COL25A1: variants seen among roughly 807,000 people sequenced by gnomAD.
The protein encoded by COL25A1 is collagen alpha-1(XXV) chain.
In COL25A1, 103 loss-of-function variants were observed where a neutral mutation model predicts 128.4. The ratio of observed to expected loss-of-function variants is 0.80; its 90% CI spans 0.68 to 0.94. The LOEUF is 0.94. Ranked by LOEUF, COL25A1 falls within the 40% of genes least tolerant of loss-of-function variation. COL25A1 has a pLI of 0.00. For missense variants in COL25A1, 745 were observed against 840.0 expected, an observed-to-expected ratio of 0.89 and a Z score of 1.40; for synonymous variants, 279 against 277.2, an observed-to-expected ratio of 1.01 and a Z score of -0.06.
chr4:109,186,604 A>T (rs1004587260), intron 3 of COL25A1, among the ~76,000 whole-genome samples: 1 of 152,206 alleles, frequency 6.6e-6, no homozygotes, highest in African/African-American at 2.4e-5. Context: ...CACTGAAGAC[A>T]TTGGAAGCCC....
At chr4:109,049,893 T>G (rs1035114371) in intron 4 of COL25A1, among the ~76,000 whole-genome samples, 7 of 152,200 alleles carry the variant, frequency 4.6e-5, no homozygotes, top group Admixed American at 1.3e-4. Context: ...CCCAAATGGG[T>G]ACCAATTGTT....
At chr4:108,940,395 C>G in intron 10 of COL25A1, 144 bp downstream of exon 10, 1 of 736,198 alleles carries the variant, frequency 1.4e-6, no homozygotes. Flanking sequence ...TCAACCTACT[C>G]CACTCATCAT....
intron 3 of COL25A1, among the ~76,000 whole-genome samples, chr4:109,274,523 A>T (rs1370588339): frequency 6.6e-6 from 1 of 152,176 alleles, no homozygotes; most frequent in South Asian, 2.1e-4. Flanking sequence ...TTATATTAAC[A>T]TTGTTGAATA....
At chr4:108,922,964 G>A (rs1745641239) in intron 11 of COL25A1, among the ~76,000 whole-genome samples, 1 of 152,140 alleles carries the variant, frequency 6.6e-6, no homozygotes, top group Non-Finnish European at 1.5e-5. Flanking sequence ...ATTACTCGGG[G>A]AGGGATACCT....
At chr4:109,085,331 G>C (rs1342907223) in intron 3 of COL25A1, among the ~76,000 whole-genome samples, 1 of 152,160 alleles carries the variant, frequency 6.6e-6, no homozygotes, top group African/African-American at 2.4e-5. Flanking sequence ...CCCTTCAGAT[G>C]AAGTACAGCA....
chr4:109,005,132 G>C (rs367820892), intron 6 of COL25A1, among the ~76,000 whole-genome samples: 28 of 152,222 alleles, frequency 1.8e-4, no homozygotes, highest in African/African-American at 6.0e-4. Context: ...TCTGCTTCTG[G>C]GGGAGGCCTC....
At chr4:109,203,803 C>A (rs975256003) in intron 3 of COL25A1, among the ~76,000 whole-genome samples, 3 of 151,988 alleles carry the variant, frequency 2.0e-5, no homozygotes, top group Non-Finnish European at 4.4e-5. Flanking sequence ...TGACAAATTT[C>A]CACTTAATTG....
At chr4:108,860,572 C>T (rs1339151901) in intron 23 of COL25A1, among the ~76,000 whole-genome samples, 2 of 151,814 alleles carry the variant, frequency 1.3e-5, no homozygotes, top group Non-Finnish European at 2.9e-5. Flanking sequence ...GTCATAATTC[C>T]CTTTTTTTTT....
At chr4:109,101,104 A>C (rs1324282184) in intron 3 of COL25A1, among the ~76,000 whole-genome samples, 1 of 152,088 alleles carries the variant, frequency 6.6e-6, no homozygotes, top group African/African-American at 2.4e-5. Context: ...ACAACTCAAA[A>C]CTTCCCCTTT....
intron 3 of COL25A1, among the ~76,000 whole-genome samples, chr4:109,266,357 C>T (rs561571536): frequency 6.6e-5 from 10 of 152,110 alleles, no homozygotes; most frequent in Non-Finnish European, 1.2e-4. Context: ...TCTCTGGAAA[C>T]GATGAGGTGA....
intron 8 of COL25A1, among the ~76,000 whole-genome samples, chr4:108,948,889 A>G (rs369882799): frequency 3.9e-5 from 6 of 152,218 alleles, no homozygotes; most frequent in African/African-American, 1.4e-4. Context: ...TGGCAAATGC[A>G]AAGTATAAGA....
At chr4:108,890,071 G>A (rs751962329) in intron 16 of COL25A1, among the ~76,000 whole-genome samples, 7 of 152,114 alleles carry the variant, frequency 4.6e-5, no homozygotes, top group Non-Finnish European at 7.4e-5. Flanking sequence ...AAAATACATC[G>A]TGAAGCAATA....
intron 32 of COL25A1, among the ~76,000 whole-genome samples, chr4:108,832,139 T>C (rs1316918702): frequency 6.6e-6 from 1 of 152,222 alleles, no homozygotes; most frequent in Non-Finnish European, 1.5e-5. Flanking sequence ...ATCTGAGCTA[T>C]TTATTTTAGC....
At chr4:109,001,395 T>TAGGCATCTGAGATCCTGTCAGGG (rs1755373340) in intron 6 of COL25A1, among the ~76,000 whole-genome samples, 8 of 152,156 alleles carry the variant, frequency 5.3e-5, no homozygotes, top group Non-Finnish European at 5.9e-5. Flanking sequence ...TCCTGTCAGG[T>TAGGCATCTGAGATCCTGTCAGGG]AGGCATCTGA....
intron 3 of COL25A1, among the ~76,000 whole-genome samples, chr4:109,072,261 C>T (rs528150137): frequency 3.0e-4 from 46 of 152,224 alleles, no homozygotes; most frequent in African/African-American, 1.1e-3. Flanking sequence ...TGGATAATTT[C>T]ATTAATTTTC....
intron 3 of COL25A1, among the ~76,000 whole-genome samples, chr4:109,181,107 A>C (rs981717177): frequency 1.3e-5 from 2 of 152,140 alleles, no homozygotes; most frequent in Non-Finnish European, 2.9e-5. Context: ...CAGCACTCCT[A>C]AAAACACATT....
At chr4:108,891,127 G>A (rs977812264) in intron 16 of COL25A1, among the ~76,000 whole-genome samples, 1 of 152,126 alleles carries the variant, frequency 6.6e-6, no homozygotes, top group Non-Finnish European at 1.5e-5. Context: ...TACATGTAAG[G>A]TGAACGAATG....
intron 3 of COL25A1, among the ~76,000 whole-genome samples, chr4:109,148,324 A>G (rs1174516073): frequency 6.6e-6 from 1 of 152,238 alleles, no homozygotes. Context: ...AAATAGGAAC[A>G]GATGTCAATT....
intron 32 of COL25A1, among the ~76,000 whole-genome samples, chr4:108,829,387 GTATCTATCTATCTATCTATC>G (rs34296727): frequency 1.2e-4 from 18 of 147,678 alleles, no homozygotes; most frequent in South Asian, 6.6e-4. Flanking sequence ...GTGTAAGTGT[GTATCTATCTATCTATCTATC>G]TATCTATCTA....
Sources: gnomAD v4.1 joint callset for allele counts (sites outside exome capture counted in the v4.1 genomes callset) on GRCh38, gnomAD v4.1.1 for gene constraint, MANE v1.5 for transcripts, NCBI Gene and HGNC (gene_info 2026-07-23, HGNC 2026-07-21) for gene names.